TPST1: variants seen among roughly 807,000 people sequenced by gnomAD.
TPST1 encodes the protein tyrosylprotein sulfotransferase 1, also known as protein-tyrosine sulfotransferase 1.
Under a neutral mutation model 34.8 loss-of-function variants are expected in TPST1, and 20 were observed. That is an observed-to-expected ratio of 0.57 (90% confidence interval 0.40 to 0.84). The LOEUF is 0.84. TPST1 is among the 40% of genes least tolerant of loss of function. The pLI, the probability that TPST1 is intolerant of heterozygous loss-of-function variation, is 0.00. For synonymous variants in TPST1, 152 were observed against 159.4 expected (o/e 0.95, Z 0.35); for missense variants, 353 against 455.5 (o/e 0.78, Z 2.05).
At chr7:66,235,554 T>C (rs1246201441) in intron 1 of TPST1, among the ~76,000 whole-genome samples, 2 of 152,078 alleles carry the variant, frequency 1.3e-5, no homozygotes, top group Non-Finnish European at 2.9e-5. Flanking sequence ...AGTACTTCTC[T>C]AGTAATGAAT....
rs190963554 is a variant in TPST1, at chr7:66,209,424, C to T, written c.-102+3902C>T. ...TCCTAACACATAATCCTGATGATAG[C>T]GAGGAACCTTTGAAGGATTTCTTCC... On this transcript the variant is annotated intron_variant, in intron 1 of 5. Transcript: ENST00000304842. Among the ~76,000 whole-genome samples the T allele has an allele frequency of 5.6e-4, 85 of 152,252 alleles. No homozygotes were observed. The East Asian group carries it at 7.3e-3, about 13-fold the overall frequency.
chr7:66,346,877 G>T (rs1460449533), intron 3 of TPST1, among the ~76,000 whole-genome samples: 6 of 151,974 alleles, frequency 3.9e-5, no homozygotes, highest in Admixed American at 3.9e-4. Context: ...TCTTTGTGGG[G>T]TATTACTCAA....
At chr7:66,320,863 G>A (rs1476951304) in intron 3 of TPST1, among the ~76,000 whole-genome samples, 1 of 152,164 alleles carries the variant, frequency 6.6e-6, no homozygotes, top group African/African-American at 2.4e-5. Context: ...CTCCCAAAGT[G>A]CTGGGATTAC....
At chr7:66,320,873 C>T (rs1295541858) in intron 3 of TPST1, among the ~76,000 whole-genome samples, 1 of 152,208 alleles carries the variant, frequency 6.6e-6, no homozygotes, top group Non-Finnish European at 1.5e-5. Context: ...GCTGGGATTA[C>T]AGTTGTGAGC....
At chr7:66,355,934 G>C (rs553369779) in intron 4 of TPST1, among the ~76,000 whole-genome samples, 1 of 149,126 alleles carries the variant, frequency 6.7e-6, no homozygotes, top group Non-Finnish European at 1.5e-5. Context: ...AAGGCTGAGC[G>C]TGGTGGCATA....
chr7:66,310,490 T>C (rs1223751988), intron 3 of TPST1, among the ~76,000 whole-genome samples: 2 of 152,148 alleles, frequency 1.3e-5, no homozygotes, highest in South Asian at 2.1e-4. Context: ...TATTACCGTG[T>C]GTTCACTGCA....
At chr7:66,311,390 C>T (rs540912149) in intron 3 of TPST1, among the ~76,000 whole-genome samples, 19 of 152,042 alleles carry the variant, frequency 1.2e-4, no homozygotes, top group East Asian at 1.9e-4. Flanking sequence ...TCACCTGGCC[C>T]GGCCTCCCAA....
At chr7:66,280,356 GAC>G (rs1790908562) in intron 2 of TPST1, among the ~76,000 whole-genome samples, 1 of 152,210 alleles carries the variant, frequency 6.6e-6, no homozygotes. Flanking sequence ...TCATGGGTCT[GAC>G]ACACATGGTT....
intron 1 of TPST1, among the ~76,000 whole-genome samples, chr7:66,239,245 A>G (rs147517980): frequency 6.6e-6 from 1 of 152,086 alleles, no homozygotes; most frequent in South Asian, 2.1e-4. Flanking sequence ...TCTCCCAAAG[A>G]GCTGTGATTA....
At chr7:66,200,655 C>A (rs1388389476), upstream of TPST1, among the ~76,000 whole-genome samples, 3 of 152,022 alleles carry the variant, frequency 2.0e-5, no homozygotes, top group Non-Finnish European at 4.4e-5. Context: ...CTCCTGACCT[C>A]ATGATCCATC....
At chr7:66,338,317 A>T (rs1792163996) in intron 3 of TPST1, among the ~76,000 whole-genome samples, 1 of 152,222 alleles carries the variant, frequency 6.6e-6, no homozygotes, top group Admixed American at 6.5e-5. Flanking sequence ...CCAACACCAG[A>T]GCACCCAAAT....
chr7:66,256,382 G>T (rs1790383994), intron 2 of TPST1, among the ~76,000 whole-genome samples: 1 of 152,192 alleles, frequency 6.6e-6, no homozygotes, highest in African/African-American at 2.4e-5. Context: ...GTTTCTGTGT[G>T]TCAGGAATAT....
At chr7:66,248,198 T>G (rs1304178776) in intron 2 of TPST1, among the ~76,000 whole-genome samples, 5 of 152,118 alleles carry the variant, frequency 3.3e-5, no homozygotes, top group Non-Finnish European at 7.4e-5. Flanking sequence ...GGCCTTATAT[T>G]TTAAGCTAAA....
chr7:66,241,828 G>A (rs140878299), intron 2 of TPST1, among the ~76,000 whole-genome samples: 236 of 152,282 alleles, frequency 1.5e-3, no homozygotes, highest in African/African-American at 5.4e-3. Context: ...AGATTAAAAC[G>A]ATTTGTTCAG....
At chr7:66,312,939 T>C (rs1791560141) in intron 3 of TPST1, among the ~76,000 whole-genome samples, 2 of 152,084 alleles carry the variant, frequency 1.3e-5, no homozygotes, top group East Asian at 3.8e-4. Flanking sequence ...TGGAAGACTT[T>C]CCAGGGTTGA....
At chr7:66,206,684 A>G (rs1789137384) in intron 1 of TPST1, among the ~76,000 whole-genome samples, 1 of 152,128 alleles carries the variant, frequency 6.6e-6, no homozygotes, top group Non-Finnish European at 1.5e-5. Flanking sequence ...GTGTTTGGGT[A>G]ACTTTCTTTT....
At chr7:66,334,659 A>G (rs1792059749) in intron 3 of TPST1, among the ~76,000 whole-genome samples, 2 of 143,950 alleles carry the variant, frequency 1.4e-5, no homozygotes. Context: ...AAAGTATTCA[A>G]AGACAAGAAT....
chr7:66,323,653 C>T lies in TPST1; in HGVS notation c.1045-28852C>T, dbSNP rs183981973. Among the ~76,000 whole-genome samples, 59 of 152,134 alleles carry T rather than the reference C, an allele frequency of 3.9e-4. No homozygotes were observed. The East Asian group carries it at 8.9e-3, about 23-fold the overall frequency. ...ACAGATGCTATCTAGAGATTGGTAT[C>T]CAGATTATATAAAGAATTCTTGCAA... On this transcript the variant is annotated intron_variant, in intron 3 of 5. Coordinates refer to ENST00000304842, the MANE Select transcript of TPST1 (RefSeq NM_003596.4).
intron 3 of TPST1, among the ~76,000 whole-genome samples, chr7:66,301,008 A>T (rs1418269260): frequency 6.6e-6 from 1 of 152,162 alleles, no homozygotes; most frequent in Non-Finnish European, 1.5e-5. Flanking sequence ...TCCATGGACT[A>T]CAGAATGGAT....
Sources: allele counts gnomAD v4.1 joint callset (sites outside exome capture counted in the v4.1 genomes callset), GRCh38; gene constraint gnomAD v4.1.1; transcripts MANE v1.5; gene names NCBI Gene and HGNC (gene_info 2026-07-23, HGNC 2026-07-21).